Variants in SNX10 observed in about 807,000 individuals in gnomAD.
SNX10 encodes the protein sorting nexin-10.
In SNX10, 25 loss-of-function variants were observed where a neutral mutation model predicts 28.5. The ratio of observed to expected loss-of-function variants is 0.88; its 90% CI spans 0.64 to 1.22. SNX10 has a LOEUF of 1.22. Ranked by LOEUF, SNX10 falls within the 50% of genes most tolerant of loss-of-function variation. The pLI, the probability that SNX10 is intolerant of heterozygous loss-of-function variation, is 0.00. For missense variants in SNX10, 223 were observed against 242.6 expected, an observed-to-expected ratio of 0.92 and a Z score of 0.54; for synonymous variants, 62 against 81.4, an observed-to-expected ratio of 0.76 and a Z score of 1.28.
At position 26,364,510 on chromosome 7, in the gene SNX10, T is replaced by C; in HGVS notation, c.112-25T>C. ...ATGCATTTTTTTCCTCAGGTAAGAC[T>C]CATTTTTCTACTTTCTCTGTACAGA... On this transcript the variant is annotated intron_variant, in intron 3 of 6. Transcript: ENST00000338523. The surrounding 1 kb of genome is among the most constrained non-coding windows in gnomAD (Gnocchi z 4.9). 1 of 1,591,320 alleles carries C rather than the reference T, an allele frequency of 6.3e-7. No individual in the cohort carries two copies. The highest frequency in any genetic ancestry group is 1.1e-5 in the South Asian group (1 of 88,136).
rs909507023 is a variant in SNX10 at position 26,291,974 on chromosome 7, T to C, written c.-136T>C. 1.4e-5 allele frequency: 2 copies of C among 140,332 alleles called. No homozygotes were observed. The highest frequency in any genetic ancestry group is 2.5e-5 in the African/African-American group (1 of 40,088). 8.7% of individuals were successfully genotyped at this position (140,332 alleles called of 1,614,324 possible). On this transcript the variant is annotated 5_prime_UTR_variant, in exon 1 of 7. Transcript: ENST00000338523. ...AGCGCGGGGCTGCGCTCGTGTGCGC[T>C]CCTGGGCGCTCGCCGCCGCCGCTGC... is the stretch of plus-strand genomic sequence containing the variant.
intron 1 of SNX10, among the ~76,000 whole-genome samples, chr7:26,316,727 A>G (rs1787105882): frequency 6.6e-6 from 1 of 152,304 alleles, no homozygotes; most frequent in South Asian, 2.1e-4. Context: ...CAGGTGGACC[A>G]GGGTCACTTA....
intron 1 of SNX10, among the ~76,000 whole-genome samples, chr7:26,303,507 C>G (rs764235072): frequency 6.6e-6 from 1 of 152,200 alleles, no homozygotes; most frequent in Admixed American, 6.5e-5. Flanking sequence ...CTCCGACCCT[C>G]TTTGTACATT....
intron 3 of SNX10, among the ~76,000 whole-genome samples, chr7:26,363,532 A>G (rs1161479672): frequency 6.6e-6 from 1 of 152,218 alleles, no homozygotes; most frequent in Non-Finnish European, 1.5e-5. Context: ...AAAAATCAGG[A>G]GAAACAAATA....
chr7:26,329,359 C>T (rs1006000707), intron 1 of SNX10, among the ~76,000 whole-genome samples: 5 of 152,188 alleles, frequency 3.3e-5, no homozygotes, highest in East Asian at 3.9e-4. Context: ...TTTCTTCTGT[C>T]GGGTTTCAGC....
At position 26,364,181 on chromosome 7, in the gene SNX10, A is replaced by G. The variant is rs2698717; in HGVS notation, c.112-354A>G. ...CTTACGTGGATGGTGGTAAAATGCA[A>G]CGGATGAACCTGAGCTCCTACCTGT... On this transcript the variant is annotated intron_variant, in intron 3 of 6. Transcript: ENST00000338523. This position sits in a 1 kb window ranked among gnomAD's most constrained non-coding sequence, Gnocchi z 4.9. 0.46 allele frequency: 144,204 copies of G among 311,106 alleles called. 34,703 individuals are homozygous for G. The highest frequency in any genetic ancestry group is 0.56 in the South Asian group (4,407 of 7,836). The allele number at this position is 311,106 out of a possible 1,614,324, so 19.3% of individuals were successfully genotyped here.
rs115514402 is a variant in SNX10, at chr7:26,307,765, A to G, written c.-24+15679A>G. On this transcript the variant is annotated intron_variant, in intron 1 of 6. Coordinates refer to ENST00000338523, the MANE Select transcript of SNX10 (RefSeq NM_013322.3). ...AAAGTACAGAGCTTCCCTGCTCCCC[A>G]TAACCCACCTCTCCCATTATCAACA... Among the ~76,000 whole-genome samples the G allele has an allele frequency of 4.0e-3, 604 of 151,926 alleles. 5 individuals carry two copies. The highest frequency in any genetic ancestry group is 0.014 in the African/African-American group (576 of 41,414).
chr7:26,340,417 A>T (rs150215249), intron 1 of SNX10, among the ~76,000 whole-genome samples: 2,385 of 152,322 alleles, frequency 0.016, 28 homozygotes, highest in Non-Finnish European at 0.025. Flanking sequence ...AAAACCTCAA[A>T]TATTTACTAT....
chr7:26,362,007 T>C (rs951161650), intron 3 of SNX10, among the ~76,000 whole-genome samples: 3 of 152,250 alleles, frequency 2.0e-5, no homozygotes, highest in Non-Finnish European at 4.4e-5. Flanking sequence ...CATTATTTAA[T>C]CTTCCCATTG....
chr7:26,337,167 G>A (rs543671148), intron 1 of SNX10, among the ~76,000 whole-genome samples: 15 of 152,186 alleles, frequency 9.9e-5, no homozygotes, highest in African/African-American at 3.6e-4. Context: ...GTTTTTATTT[G>A]CACTTCTGTT....
intron 1 of SNX10, among the ~76,000 whole-genome samples, chr7:26,342,877 G>A (rs999026603): frequency 1.3e-5 from 2 of 152,078 alleles, no homozygotes; most frequent in Admixed American, 6.6e-5. Flanking sequence ...CATGATCATG[G>A]CTCACCGCAG....
At chr7:26,339,561 T>A (rs35042524) in intron 1 of SNX10, among the ~76,000 whole-genome samples, 1 of 138,054 alleles carries the variant, frequency 7.2e-6, no homozygotes, top group Non-Finnish European at 1.5e-5. Flanking sequence ...TTTGACAGAG[T>A]CTCACTCACC....
intron 2 of SNX10, among the ~76,000 whole-genome samples, chr7:26,351,318 C>T (rs1788585841): frequency 6.6e-6 from 1 of 152,174 alleles, no homozygotes. Context: ...ACTGTTAACA[C>T]CCACAGTGAT....
At chr7:26,307,154 G>C (rs573831053) in intron 1 of SNX10, among the ~76,000 whole-genome samples, 2 of 152,290 alleles carry the variant, frequency 1.3e-5, no homozygotes, top group African/African-American at 2.4e-5. Flanking sequence ...TTCTCTCTCT[G>C]TTTAAAAGCA....
rs562441388 is a variant in SNX10 at position 26,320,774 on chromosome 7, A to G, written c.-23-25646A>G. Among the ~76,000 whole-genome samples, 13 of 152,320 alleles carry G rather than the reference A, an allele frequency of 8.5e-5. No homozygotes were observed. In the South Asian group the frequency reaches 2.7e-3, roughly 32 times the overall value. ...CATACAAGCATGTATACACATATGT[A>G]CACACTTAATGGAATCATGCTGCTA... On this transcript the variant is annotated intron_variant, in intron 1 of 6. Transcript: ENST00000338523.
At chr7:26,350,054 C>A (rs1034638570) in intron 2 of SNX10, among the ~76,000 whole-genome samples, 3 of 152,156 alleles carry the variant, frequency 2.0e-5, no homozygotes, top group African/African-American at 7.2e-5. Flanking sequence ...GGGCTGAAAC[C>A]CCTTTTGAAT....
chr7:26,359,902 C>T (rs1277095177), intron 2 of SNX10, among the ~76,000 whole-genome samples: 7 of 152,118 alleles, frequency 4.6e-5, no homozygotes, highest in Non-Finnish European at 8.8e-5. Flanking sequence ...GTGATCTGCC[C>T]GCCTCGGCCT....
intron 1 of SNX10, among the ~76,000 whole-genome samples, chr7:26,321,487 GA>G (rs1787304741): frequency 6.6e-6 from 1 of 152,184 alleles, no homozygotes; most frequent in Non-Finnish European, 1.5e-5. Context: ...TTTCTTTGAA[GA>G]AGACTCCTGT....
intron 1 of SNX10, among the ~76,000 whole-genome samples, chr7:26,300,684 C>T (rs757841197): frequency 3.3e-5 from 5 of 152,062 alleles, no homozygotes; most frequent in Non-Finnish European, 7.4e-5. Context: ...TTGCTTAATT[C>T]AGAAGGGTGA....
Sources: allele counts gnomAD v4.1 joint callset (sites outside exome capture counted in the v4.1 genomes callset), GRCh38; gene constraint gnomAD v4.1.1; non-coding constraint Gnocchi (gnomAD v3.1); transcripts MANE v1.5; gene names NCBI Gene and HGNC (gene_info 2026-07-23, HGNC 2026-07-21).